Variants in STX6 observed in about 807,000 individuals in gnomAD.
STX6 encodes syntaxin 6, also known as syntaxin-6.
A neutral mutation model predicts 38.0 loss-of-function variants in STX6; 23 were observed. The ratio of observed to expected loss-of-function variants is 0.60; its 90% CI spans 0.43 to 0.86. The LOEUF (loss-of-function observed/expected upper bound fraction) is 0.86. STX6 is among the 40% of genes least tolerant of loss of function. The pLI is 0.00. For synonymous variants in STX6, 123 were observed against 107.5 expected, an observed-to-expected ratio of 1.14 and a Z score of -0.89; for missense variants, 274 against 312.9, an observed-to-expected ratio of 0.88 and a Z score of 0.94.
intron 3 of STX6, 44 bp downstream of exon 3, chr1:181,002,562 G>T: frequency 7.2e-7 from 1 of 1,393,274 alleles, no homozygotes; most frequent in Non-Finnish European, 1.0e-6. Flanking sequence ...TAAGAAGTCT[G>T]GCTATTTCTT....
chr1:181,006,925 C>T (rs1046738834), intron 1 of STX6, among the ~76,000 whole-genome samples: 2 of 152,164 alleles, frequency 1.3e-5, no homozygotes, highest in African/African-American at 4.8e-5. Context: ...TAGTTTAAGG[C>T]TTAGGCAAGT....
intron 1 of STX6, among the ~76,000 whole-genome samples, chr1:181,018,857 CA>C (rs1656645021): frequency 1.3e-5 from 2 of 152,152 alleles, no homozygotes; most frequent in South Asian, 4.1e-4. Context: ...GTAATGGCCT[CA>C]AGATGAGATT....
chr1:180,985,525 TC>T (rs753138672), intron 6 of STX6, among the ~76,000 whole-genome samples: 3 of 152,220 alleles, frequency 2.0e-5, no homozygotes, highest in Non-Finnish European at 4.4e-5. Flanking sequence ...AGGACTAACA[TC>T]CCTGATGGGG....
At chr1:180,979,381 T>C (rs187295325) in intron 7 of STX6, among the ~76,000 whole-genome samples, 119 of 152,288 alleles carry the variant, frequency 7.8e-4, no homozygotes, top group African/African-American at 2.7e-3. Flanking sequence ...AGTCCAGAAA[T>C]AGGCTGACAT....
chr1:180,984,992 G>A, intron 6 of STX6, among the ~76,000 whole-genome samples: 1 of 152,154 alleles, frequency 6.6e-6, no homozygotes, highest in Non-Finnish European at 1.5e-5. Flanking sequence ...CTTTGTATTA[G>A]TCGACACCAC....
At chr1:181,013,303 G>A (rs939064568) in intron 1 of STX6, among the ~76,000 whole-genome samples, 4 of 152,152 alleles carry the variant, frequency 2.6e-5, no homozygotes, top group African/African-American at 9.7e-5. Context: ...CGTAAGTGTA[G>A]CCACAACCCC....
At chr1:180,977,982 A>C (rs1233483160) in intron 7 of STX6, among the ~76,000 whole-genome samples, 1 of 152,162 alleles carries the variant, frequency 6.6e-6, no homozygotes, top group Admixed American at 6.5e-5. Flanking sequence ...CAGGACAAAG[A>C]CCCCAGGTCC....
intron 3 of STX6, among the ~76,000 whole-genome samples, chr1:180,995,982 T>C (rs1429372317): frequency 2.6e-5 from 4 of 152,186 alleles, no homozygotes; most frequent in African/African-American, 4.8e-5. Flanking sequence ...TATTAAGCTA[T>C]ATGTTTAGGT....
intron 1 of STX6, among the ~76,000 whole-genome samples, chr1:181,019,494 A>G (rs1219837891): frequency 6.6e-6 from 1 of 152,194 alleles, no homozygotes; most frequent in Non-Finnish European, 1.5e-5. Flanking sequence ...TGACTCCAGA[A>G]AGCTGCGTGG....
At chr1:181,011,607 G>C (rs545506633) in intron 1 of STX6, among the ~76,000 whole-genome samples, 1 of 152,288 alleles carries the variant, frequency 6.6e-6, no homozygotes, top group African/African-American at 2.4e-5. Flanking sequence ...AAAAACTGAA[G>C]ATTACTTGGC....
rs538322290 is a variant in STX6 at position 181,022,845 on chromosome 1, A to C, written c.-172T>G. ...TGCACAGGACGGCCGCTGGTCCAGC[A>C]CTCGCTCAGCACCACTGGCCGAATC... On this transcript the variant is annotated 5_prime_UTR_variant, in exon 1 of 8. Transcript: ENST00000258301. 8.0e-6 allele frequency: 5 copies of C among 624,844 alleles called. No homozygotes were observed. The South Asian group carries it at 9.7e-5, about 12-fold the overall frequency. The allele number at this position is 624,844 out of a possible 1,614,324, so 38.7% of individuals were successfully genotyped here. A position where few individuals can be genotyped will look rare whatever the true frequency, so the allele number is the denominator to read the frequency against.
At chr1:181,006,830 G>A (rs1282135363) in intron 1 of STX6, among the ~76,000 whole-genome samples, 16 of 152,200 alleles carry the variant, frequency 1.1e-4, no homozygotes, top group African/African-American at 3.6e-4. Flanking sequence ...GAGGCGGAAC[G>A]TTAAACAGAG....
intron 5 of STX6, chr1:180,989,488 T>G (rs1571332620): frequency 8.3e-6 from 1 of 121,104 alleles, no homozygotes; most frequent in Admixed American, 9.9e-5. Context: ...AGAGTGAGAC[T>G]CCGTCTCACA....
At chr1:180,985,154 A>G (rs200349894) in intron 6 of STX6, among the ~76,000 whole-genome samples, 1 of 148,698 alleles carries the variant, frequency 6.7e-6, no homozygotes. Context: ...GAAAAAAAAA[A>G]CAACGAGATT....
chr1:180,990,092 A>G lies in STX6; in HGVS notation c.381T>C (p.Ser127=), dbSNP rs1023006062. ...TTCCAGTGCTCCAGTTCTGGCTGCC[A>G]CTGTCTCCCAGCAGTGCCTGTGTGA... ...RKNRQALLGD[S]GSQNWSTGTT... Residue 127 remains serine, a synonymous_variant, in exon 5 of 8, where the codon AGT becomes AGC. Transcript: ENST00000258301. 6.2e-7 allele frequency: 1 copy of G among 1,614,062 alleles called. No homozygotes were observed. Among genetic ancestry groups the G allele is most frequent in the African/African-American group, 1.3e-5 (1 of 74,928 alleles).
intron 7 of STX6, among the ~76,000 whole-genome samples, chr1:180,979,346 A>C (rs1320637686): frequency 1.3e-5 from 2 of 152,242 alleles, no homozygotes; most frequent in African/African-American, 4.8e-5. Flanking sequence ...TTAGGAAAAT[A>C]GACAAGCAGA....
chr1:181,021,738 T>C (rs751530948), intron 1 of STX6, among the ~76,000 whole-genome samples: 36 of 152,334 alleles, frequency 2.4e-4, no homozygotes, highest in African/African-American at 3.4e-4. Context: ...CAAAGTGCAG[T>C]TGAAGACTCT....
At chr1:180,988,936 T>C (rs1429012498) in intron 5 of STX6, 1 of 152,476 alleles carries the variant, frequency 6.6e-6, no homozygotes, top group Non-Finnish European at 1.5e-5. Context: ...CTGGGTTTAA[T>C]AGCAATTTAA....
intron 1 of STX6, among the ~76,000 whole-genome samples, chr1:181,013,549 C>T (rs1656470235): frequency 6.6e-6 from 1 of 152,154 alleles, no homozygotes; most frequent in Non-Finnish European, 1.5e-5. Flanking sequence ...AACTCCTGGC[C>T]TCAAGTGATC....
Sources: allele counts gnomAD v4.1 joint callset (sites outside exome capture counted in the v4.1 genomes callset), GRCh38; gene constraint gnomAD v4.1.1; transcripts MANE v1.5; gene names NCBI Gene and HGNC (gene_info 2026-07-23, HGNC 2026-07-21).